The following IQSEC2 variants were observed in gnomAD, a reference collection of about 807,000 sequenced individuals.
IQSEC2 encodes IQ motif and Sec7 domain ArfGEF 2.
A neutral mutation model predicts 74.6 loss-of-function variants in IQSEC2; 6 were observed. The ratio of observed to expected loss-of-function variants is 0.08; its 90% CI spans 0.04 to 0.16. The LOEUF (loss-of-function observed/expected upper bound fraction) is 0.16. Ranked by LOEUF, IQSEC2 falls within the 10% of genes least tolerant of loss-of-function variation. The probability of loss-of-function intolerance (pLI) is 1.00; values close to 1 mark genes in which losing one functional copy is unlikely to be tolerated. For synonymous variants in IQSEC2, 494 were observed against 544.5 expected (o/e 0.91, Z 1.29); for missense variants, 734 against 1,306.2 (o/e 0.56, Z 6.75).
At chrX:53,267,100 G>A (rs782121860) in intron 2 of IQSEC2, 71 of 1,135,948 alleles carry the variant, frequency 6.3e-5, no homozygotes, top group South Asian at 4.9e-4. Context: ...GGCCACAGGC[G>A]GTGGGTGACA....
chrX:53,306,202 T>C (rs1048249551), intron 1 of IQSEC2, among the ~76,000 whole-genome samples: 2 of 111,502 alleles, frequency 1.8e-5, no homozygotes, highest in African/African-American at 6.5e-5. Context: ...CTGGCCCACT[T>C]GCTCCCACCG....
At chrX:53,277,927 T>G (rs1484727175) in intron 2 of IQSEC2, among the ~76,000 whole-genome samples, 1 of 109,115 alleles carries the variant, frequency 9.2e-6, no homozygotes, top group Non-Finnish European at 1.9e-5. Flanking sequence ...CACCTTGGCC[T>G]CCCAAAGTCC....
intron 2 of IQSEC2, among the ~76,000 whole-genome samples, chrX:53,287,731 G>A (rs1259727943): frequency 8.9e-6 from 1 of 112,642 alleles, no homozygotes; most frequent in African/African-American, 3.2e-5. Context: ...GGGGAAGAGA[G>A]AGAAGGCAAG....
chrX:53,301,428 C>T (rs1211153369), intron 1 of IQSEC2, among the ~76,000 whole-genome samples: 4 of 112,328 alleles, frequency 3.6e-5, no homozygotes, highest in Admixed American at 9.4e-5. Context: ...GGCCACTCTC[C>T]ATCAGGCAAA....
chrX:53,256,668 C>T (rs1215739612), intron 2 of IQSEC2, among the ~76,000 whole-genome samples: 1 of 112,279 alleles, frequency 8.9e-6, no homozygotes, highest in Non-Finnish European at 1.9e-5. Context: ...TGCCTGGACT[C>T]CGGGCCAGGC....
intron 2 of IQSEC2, among the ~76,000 whole-genome samples, chrX:53,274,950 A>G (rs2074804560): frequency 1.8e-5 from 2 of 111,401 alleles, no homozygotes; most frequent in African/African-American, 3.3e-5. Context: ...CTTTTGCCTG[A>G]TATCTGTGTA....
At chrX:53,240,599 C>G (rs2074201932) in intron 10 of IQSEC2, among the ~76,000 whole-genome samples, 2 of 112,036 alleles carry the variant, frequency 1.8e-5, no homozygotes, top group African/African-American at 6.5e-5. Context: ...AACAAGGCAA[C>G]TGGCTGCCTT....
intron 2 of IQSEC2, chrX:53,266,888 C>T (rs1442903703): frequency 3.9e-5 from 36 of 927,809 alleles, no homozygotes; most frequent in Middle Eastern, 8.1e-4. Flanking sequence ...GGGGAATCTG[C>T]GGGGGGGTGG....
intron 10 of IQSEC2, 106 bp from the exon 11 acceptor site, chrX:53,239,400 C>T: frequency 4.4e-6 from 2 of 455,436 alleles, no homozygotes; most frequent in Non-Finnish European, 7.8e-6. Flanking sequence ...CATTAACAGA[C>T]ACACACACAC....
chrX:53,268,262 G>T (rs1167895415), intron 2 of IQSEC2, among the ~76,000 whole-genome samples: 3 of 111,402 alleles, frequency 2.7e-5, no homozygotes, highest in Non-Finnish European at 5.7e-5. Context: ...AGGTGGGAAG[G>T]AACGCAGACA....
chrX:53,226,255 T>C (rs1556857504), downstream of IQSEC2: 1 of 113,031 alleles, frequency 8.8e-6, no homozygotes, highest in East Asian at 2.8e-4. Flanking sequence ...ACCAGTACTT[T>C]GTACATATAC....
intron 4 of IQSEC2, among the ~76,000 whole-genome samples, chrX:53,252,319 C>T (rs1303632997): frequency 1.8e-5 from 2 of 108,241 alleles, no homozygotes; most frequent in Non-Finnish European, 3.8e-5. Context: ...CCTTGGCCTC[C>T]CGAAGTGCTG....
rs782712089 is a variant in IQSEC2 at position 53,319,958 on chromosome X, G to A, written c.707+459C>T. On this transcript the variant is annotated intron_variant, in intron 1 of 14. Transcript: ENST00000642864. ...CTTTGGTAAGGGATGGAGCTGAGGCGGCCAGAGGAGAAAAGATCAGGCAAA... is the reference window on the plus strand; with the variant it reads ...CTTTGGTAAGGGATGGAGCTGAGGCAGCCAGAGGAGAAAAGATCAGGCAAA... Among the ~76,000 whole-genome samples, 379 of 102,438 alleles carry A rather than the reference G, an allele frequency of 3.7e-3. 3 individuals carry two copies. Among genetic ancestry groups the A allele is most frequent in the South Asian group, 0.022 (46 of 2,100 alleles). 89.0% of individuals were successfully genotyped at this position (102,438 alleles called of 115,157 possible).
intron 10 of IQSEC2, among the ~76,000 whole-genome samples, chrX:53,241,506 G>A (rs1278353961): frequency 2.7e-5 from 3 of 111,775 alleles, no homozygotes; most frequent in African/African-American, 6.5e-5. Context: ...GAGGTGGACA[G>A]GGATATTTCC....
intron 8 of IQSEC2, among the ~76,000 whole-genome samples, chrX:53,246,186 A>G (rs1371911076): frequency 9.0e-6 from 1 of 111,673 alleles, no homozygotes; most frequent in African/African-American, 3.3e-5. Context: ...AAAGAAAATA[A>G]ATGTTCCTGC....
intron 2 of IQSEC2, among the ~76,000 whole-genome samples, chrX:53,288,848 G>A (rs944733976): frequency 2.6e-4 from 29 of 111,879 alleles, no homozygotes; most frequent in Non-Finnish European, 5.5e-4. Context: ...TTGTGACCTC[G>A]AGCGATGGCC....
chrX:53,277,095 GCTAT>G (rs2074846383), intron 2 of IQSEC2, among the ~76,000 whole-genome samples: 1 of 111,120 alleles, frequency 9.0e-6, no homozygotes, highest in African/African-American at 3.3e-5. Context: ...GAACTGGGAA[GCTAT>G]CTATCTTTTC....
intron 2 of IQSEC2, among the ~76,000 whole-genome samples, chrX:53,291,212 A>G (rs1352513857): frequency 9.0e-6 from 1 of 111,043 alleles, no homozygotes; most frequent in African/African-American, 3.3e-5. Context: ...TGGGAAATGC[A>G]CAAAGGTCCC....
At chrX:53,239,965 G>A (rs1556860550) in intron 10 of IQSEC2, among the ~76,000 whole-genome samples, 2 of 111,750 alleles carry the variant, frequency 1.8e-5, no homozygotes, top group Non-Finnish European at 3.8e-5. Context: ...AGCTCCCTGA[G>A]AACAGGGACT....
Sources: allele counts gnomAD v4.1 joint callset (sites outside exome capture counted in the v4.1 genomes callset), GRCh38; gene constraint gnomAD v4.1.1; transcripts MANE v1.5; gene names NCBI Gene and HGNC (gene_info 2026-07-23, HGNC 2026-07-21).